Variants in BMP7 observed in about 807,000 individuals in gnomAD.
The protein encoded by BMP7 is osteogenic protein 1.
Under a neutral mutation model 41.2 loss-of-function variants are expected in BMP7, and 12 were observed. The ratio of observed to expected loss-of-function variants is 0.29; its 90% CI spans 0.19 to 0.47. The LOEUF is 0.47. Ranked by LOEUF, BMP7 falls within the 20% of genes least tolerant of loss-of-function variation. The pLI, the probability that BMP7 is intolerant of heterozygous loss-of-function variation, is 0.99. For synonymous variants in BMP7, 248 were observed against 250.0 expected (o/e 0.99, Z 0.07); for missense variants, 467 against 606.0 (o/e 0.77, Z 2.41).
At chr20:57,243,074 G>A (rs996758558) in intron 1 of BMP7, among the ~76,000 whole-genome samples, 2 of 152,178 alleles carry the variant, frequency 1.3e-5, no homozygotes, top group Admixed American at 1.3e-4. Context: ...CAGATCACAG[G>A]TGTCCCCATC....
At position 57,170,335 on chromosome 20, in the gene BMP7, C is replaced by G. The variant is rs1347493835; in HGVS notation, c.*624G>C. On this transcript the variant is annotated 3_prime_UTR_variant, in exon 7 of 7. Transcript: ENST00000395863. Reference sequence around the variant, plus strand: ...CTAGATCTTGGATTTGGGCAAACCTCGGTAAACACTGGGCCTCTGCAAGCC... The same window carrying G: ...CTAGATCTTGGATTTGGGCAAACCTGGGTAAACACTGGGCCTCTGCAAGCC... 1.8e-5 allele frequency: 3 copies of G among 163,006 alleles called. No individual in the cohort carries two copies. In the East Asian group the frequency reaches 5.1e-4, roughly 28 times the overall value. The allele number at this position is 163,006 out of a possible 1,614,324, so 10.1% of individuals were successfully genotyped here.
intron 3 of BMP7, among the ~76,000 whole-genome samples, chr20:57,200,081 C>T (rs1984587034): frequency 6.6e-6 from 1 of 152,226 alleles, no homozygotes; most frequent in Admixed American, 6.5e-5. Flanking sequence ...CTGCCTGCAC[C>T]ACGGGGATGT....
intron 1 of BMP7, among the ~76,000 whole-genome samples, chr20:57,252,981 G>A (rs964583483): frequency 2.0e-5 from 3 of 152,124 alleles, no homozygotes; most frequent in African/African-American, 7.2e-5. Flanking sequence ...AGCAGAGAAC[G>A]ATCTGGTTAA....
rs955364512 is a variant in BMP7, at chr20:57,223,247, G to A, written c.611+4982C>T. Among the ~76,000 whole-genome samples the A allele has an allele frequency of 4.5e-4, 66 of 147,724 alleles. 1 individual carries two copies. The highest frequency in any genetic ancestry group is 1.7e-3 in the South Asian group (8 of 4,622). ...TCCATCTCAAAAAAAAAAAAAAAAGGAATCTCTTTCCTTCCTCTTGGGCAT... is the reference window on the plus strand; with the variant it reads ...TCCATCTCAAAAAAAAAAAAAAAAGAAATCTCTTTCCTTCCTCTTGGGCAT... On this transcript the variant is annotated intron_variant, in intron 2 of 6. Transcript: ENST00000395863.
At chr20:57,255,248 C>T (rs1023431497) in intron 1 of BMP7, among the ~76,000 whole-genome samples, 2 of 152,210 alleles carry the variant, frequency 1.3e-5, no homozygotes, top group Non-Finnish European at 2.9e-5. Context: ...CTGCCCCACA[C>T]TTCCTAGCTG....
At chr20:57,197,735 G>A (rs1436294296) in intron 3 of BMP7, among the ~76,000 whole-genome samples, 1 of 152,230 alleles carries the variant, frequency 6.6e-6, no homozygotes, top group Non-Finnish European at 1.5e-5. Context: ...AGCATGTTCT[G>A]AGAACTCACT....
Position 57,260,125 on chromosome 20 carries a change from C to T in BMP7, c.418+5580G>A, listed in dbSNP as rs115519484. Among the ~76,000 whole-genome samples, 882 of 152,178 alleles carry T rather than the reference C, an allele frequency of 5.8e-3. 8 individuals are homozygous for T. The highest frequency in any genetic ancestry group is 0.02 in the African/African-American group (815 of 41,514). ...TGAAGCTCTGGAATAAATAAAGCACCGTGCCTTGAGCTGCCCAGTACATGA... is the reference window on the plus strand; with the variant it reads ...TGAAGCTCTGGAATAAATAAAGCACTGTGCCTTGAGCTGCCCAGTACATGA... On this transcript the variant is annotated intron_variant, in intron 1 of 6. Coordinates refer to ENST00000395863, the MANE Select transcript of BMP7 (RefSeq NM_001719.3).
Position 57,261,117 on chromosome 20 carries a change from G to A in BMP7, c.418+4588C>T, listed in dbSNP as rs971964340. 2.0e-5 allele frequency among the ~76,000 whole-genome samples: 3 copies of A among 152,182 alleles called. No individual in the cohort carries two copies. Among genetic ancestry groups the A allele is most frequent in the Admixed American group, 6.5e-5 (1 of 15,290 alleles). ...GTCACCAGTTGTCTCTGAGTTCAGCGGACACGTGATATTCACTCACATCGC... is the reference window on the plus strand; with the variant it reads ...GTCACCAGTTGTCTCTGAGTTCAGCAGACACGTGATATTCACTCACATCGC... On this transcript the variant is annotated intron_variant, in intron 1 of 6. Coordinates refer to ENST00000395863, the MANE Select transcript of BMP7 (RefSeq NM_001719.3). This position sits in a 1 kb window ranked among gnomAD's most constrained non-coding sequence, Gnocchi z 4.1.
At chr20:57,196,765 G>A (rs988514861) in intron 3 of BMP7, among the ~76,000 whole-genome samples, 1 of 152,216 alleles carries the variant, frequency 6.6e-6, no homozygotes, top group South Asian at 2.1e-4. Context: ...TCAGGAGGCT[G>A]AGGCTAGAGG....
intron 2 of BMP7, among the ~76,000 whole-genome samples, chr20:57,204,693 G>T (rs1396178425): frequency 2.0e-5 from 3 of 152,224 alleles, no homozygotes; most frequent in Non-Finnish European, 4.4e-5. Context: ...AGCCATGGGA[G>T]GGTGGGCACC....
At chr20:57,198,050 G>GCCTCT (rs1460593401) in intron 3 of BMP7, among the ~76,000 whole-genome samples, 1 of 146,380 alleles carries the variant, frequency 6.8e-6, no homozygotes, top group Non-Finnish European at 1.6e-5. Context: ...AAGGTGCCTT[G>GCCTCT]CCTCTCCTCT....
chr20:57,202,711 G>T, intron 2 of BMP7, 88 bp from the exon 3 acceptor site: 14 of 1,181,132 alleles, frequency 1.2e-5, no homozygotes, highest in Non-Finnish European at 1.5e-5. Context: ...GCCTCATGGG[G>T]TGGGAGGGGA....
At chr20:57,239,724 A>G (rs142834283) in intron 1 of BMP7, among the ~76,000 whole-genome samples, 1 of 152,096 alleles carries the variant, frequency 6.6e-6, no homozygotes, top group Non-Finnish European at 1.5e-5. Context: ...AGATTCCCAA[A>G]CCTCAATTCT....
intron 3 of BMP7, among the ~76,000 whole-genome samples, chr20:57,195,819 C>T (rs1360620964): frequency 3.9e-5 from 6 of 152,200 alleles, no homozygotes; most frequent in Admixed American, 1.3e-4. Flanking sequence ...ACAGGAGAGA[C>T]GCTCAGGGCT....
At chr20:57,243,931 G>A (rs2066079572) in intron 1 of BMP7, 1 of 152,242 alleles carries the variant, frequency 6.6e-6, no homozygotes, top group South Asian at 2.1e-4. Flanking sequence ...AAAGGAGCAG[G>A]ACTCAGGAGG....
In BMP7 at chr20:57,171,473, CT is replaced by C. The variant is rs1261791396; in HGVS notation, c.1147-366del. Among the ~76,000 whole-genome samples, 1 of 152,216 alleles carries C rather than the reference CT, an allele frequency of 6.6e-6. No individual in the cohort carries two copies. The highest frequency in any genetic ancestry group is 2.4e-5 in the African/African-American group (1 of 41,460). On this transcript the variant is annotated intron_variant, in intron 6 of 6. Coordinates refer to ENST00000395863, the MANE Select transcript of BMP7 (RefSeq NM_001719.3). The surrounding 1 kb of genome is among the most constrained non-coding windows in gnomAD (Gnocchi z 4.5). The stretch of plus-strand genomic sequence containing the variant: ...AGAAGTGCTCCATCTTGCTCATGGA[CT>C]TCTCTGCACCTTACAGAGGATGTGG...
At chr20:57,202,090 C>T (rs572367639) in intron 3 of BMP7, among the ~76,000 whole-genome samples, 187 of 152,296 alleles carry the variant, frequency 1.2e-3, no homozygotes, top group Non-Finnish European at 2.2e-3. Flanking sequence ...AACACCCTGC[C>T]GTGCACGGAA....
At chr20:57,179,591 C>T (rs978710778) in intron 4 of BMP7, among the ~76,000 whole-genome samples, 1 of 152,198 alleles carries the variant, frequency 6.6e-6, no homozygotes, top group Admixed American at 6.5e-5. Context: ...GGAGCATGTG[C>T]CCCCGCCCCA....
At chr20:57,177,530 T>A (rs901985766) in intron 4 of BMP7, among the ~76,000 whole-genome samples, 2 of 152,130 alleles carry the variant, frequency 1.3e-5, no homozygotes, top group African/African-American at 4.8e-5. Context: ...GTATTTTTAG[T>A]AGAGACGGGG....
Sources: gnomAD v4.1 joint callset for allele counts (sites outside exome capture counted in the v4.1 genomes callset) on GRCh38, gnomAD v4.1.1 for gene constraint, Gnocchi (gnomAD v3.1) non-coding constraint, MANE v1.5 for transcripts, NCBI Gene and HGNC (gene_info 2026-07-23, HGNC 2026-07-21) for gene names.